The following AKNAD1 variants were observed in gnomAD, a reference collection of about 807,000 sequenced individuals.
AKNAD1 encodes AKNA domain containing 1, also known as protein AKNAD1.
AKNAD1 carries 67 observed loss-of-function variants against 90.8 expected under a neutral mutation model. That is an observed-to-expected ratio of 0.74 (90% CI 0.61 to 0.90). AKNAD1 has a LOEUF of 0.90. AKNAD1 is among the 40% of genes least tolerant of loss of function. The pLI is 0.00. For missense variants in AKNAD1, 957 were observed against 975.4 expected, an observed-to-expected ratio of 0.98 and a Z score of 0.25; for synonymous variants, 327 against 341.4, an observed-to-expected ratio of 0.96 and a Z score of 0.46.
chr1:108,817,088 G>T lies in AKNAD1; in HGVS notation c.2339C>A (p.Ser780Tyr). Residue 780 changes from serine to tyrosine, a missense_variant, in exon 15 of 16, where the codon TCC (serine) becomes TAC (tyrosine). Ser to Tyr is a moderately radical substitution (Grantham distance 144). Coordinates refer to ENST00000370001, the MANE Select transcript of AKNAD1 (RefSeq NM_152763.5). ...FYSCRISGSK[S>Y]LCDFDSTEEI... ...TTCAGTGCTATCAAAGTCACATAAG[G>T]ATTTGCTTCCAGAAATCCTGCAGGA... 2 of 1,614,142 alleles carry T rather than the reference G, an allele frequency of 1.2e-6. No individual in the cohort carries two copies. Among genetic ancestry groups the T allele is most frequent in the Non-Finnish European group, 1.7e-6 (2 of 1,180,008 alleles).
chr1:108,852,318 T>G lies in AKNAD1; in HGVS notation c.347A>C (p.His116Pro). 6.2e-7 allele frequency: 1 copy of G among 1,614,174 alleles called. No homozygotes were observed. The highest frequency in any genetic ancestry group is 8.5e-7 in the Non-Finnish European group (1 of 1,180,032). ...TCTTAAGAATGGCTCTTTGGAAAGA[T>G]GATGAAGTAAAATATCAGAAATGCT... is the stretch of plus-strand genomic sequence containing the variant. ...KSSISDILLH[H>P]LSKEPFLRGQ... Residue 116 changes from histidine to proline, a missense_variant, in exon 2 of 16, where the codon CAT becomes CCT. Physicochemically the swap from His to Pro is moderately conservative, Grantham distance 77. Coordinates refer to ENST00000370001, the MANE Select transcript of AKNAD1 (RefSeq NM_152763.5).
intron 14 of AKNAD1, among the ~76,000 whole-genome samples, chr1:108,819,247 T>C (rs1341166633): frequency 6.6e-6 from 1 of 152,192 alleles, no homozygotes; most frequent in African/African-American, 2.4e-5. Flanking sequence ...TTAACTCCTC[T>C]AATTCGTTTC....
At position 108,829,088 on chromosome 1, in the gene AKNAD1, G is replaced by A. The variant is rs1664104117; in HGVS notation, c.1838+1471C>T. 1.3e-5 allele frequency among the ~76,000 whole-genome samples: 2 copies of A among 151,816 alleles called. 1 individual carries two copies. The highest frequency in any genetic ancestry group is 4.2e-4 in the South Asian group (2 of 4,772). ...GCTTCATAAAGGACAAGTCCCATCA[G>A]AGAGAGATTTAATCTTCTAACAGAA... On this transcript the variant is annotated intron_variant, in intron 10 of 15. Transcript: ENST00000370001.
chr1:108,829,035 A>G (rs1057463094), intron 10 of AKNAD1, among the ~76,000 whole-genome samples: 6 of 151,904 alleles, frequency 3.9e-5, no homozygotes, highest in Non-Finnish European at 8.8e-5. Context: ...ATTTACAAAT[A>G]TCCTGAAAAC....
At position 108,827,315 on chromosome 1, in the gene AKNAD1, G is replaced by A. The variant is rs1664034975; in HGVS notation, c.1839-13C>T. ...CACGTTTTGCTTCCTAAAAAAAGGTGCATAAGATCCTGTAAACTTTTAGTG... is the reference window on the plus strand; with the variant it reads ...CACGTTTTGCTTCCTAAAAAAAGGTACATAAGATCCTGTAAACTTTTAGTG... On this transcript the variant is annotated splice_polypyrimidine_tract_variant and intron_variant, in intron 10 of 15. Coordinates refer to ENST00000370001, the MANE Select transcript of AKNAD1 (RefSeq NM_152763.5). 1 of 1,578,762 alleles carries A rather than the reference G, an allele frequency of 6.3e-7. No individual in the cohort carries two copies. The highest frequency in any genetic ancestry group is 1.1e-5 in the South Asian group (1 of 89,742).
intron 11 of AKNAD1, among the ~76,000 whole-genome samples, chr1:108,825,714 TCATTTAG>T (rs1663975789): frequency 1.3e-5 from 2 of 151,262 alleles, no homozygotes; most frequent in African/African-American, 2.4e-5. Flanking sequence ...CTTGTGCAAA[TCATTTAG>T]ATTTCCCAAA....
At chr1:108,835,983 T>C (rs549904524) in intron 7 of AKNAD1, among the ~76,000 whole-genome samples, 2 of 152,242 alleles carry the variant, frequency 1.3e-5, no homozygotes, top group Non-Finnish European at 2.9e-5. Flanking sequence ...GCAGGTGATT[T>C]GTTTGTTGTT....
At chr1:108,849,755 A>G (rs527470303) in intron 2 of AKNAD1, among the ~76,000 whole-genome samples, 179 bp from the exon 3 acceptor site, 1 of 152,272 alleles carries the variant, frequency 6.6e-6, no homozygotes, top group South Asian at 2.1e-4. Context: ...AACCCAAGTA[A>G]TTGTCTCATC....
intron 15 of AKNAD1, 126 bp from the exon 16 acceptor site, chr1:108,816,428 AT>A (rs1431165423): frequency 6.6e-6 from 7 of 1,060,306 alleles, no homozygotes; most frequent in Non-Finnish European, 9.2e-6. Flanking sequence ...CTCTTGGTCT[AT>A]TTCTGTTTTT....
intron 2 of AKNAD1, among the ~76,000 whole-genome samples, chr1:108,851,438 C>T (rs559830220): frequency 5.9e-5 from 9 of 152,252 alleles, no homozygotes; most frequent in South Asian, 2.1e-4. Context: ...AGCCAAATTC[C>T]GGCTTGCGGA....
intron 14 of AKNAD1, among the ~76,000 whole-genome samples, chr1:108,819,872 G>T (rs1237613901): frequency 1.3e-5 from 2 of 148,596 alleles, no homozygotes; most frequent in African/African-American, 2.5e-5. Context: ...CTCCATCCTG[G>T]GTGACAGAGG....
intron 5 of AKNAD1, 28 bp downstream of exon 5, chr1:108,848,724 A>G (rs778727351): frequency 6.3e-7 from 1 of 1,587,882 alleles, no homozygotes; most frequent in Non-Finnish European, 8.6e-7. Flanking sequence ...TCTAATCAAG[A>G]TTTTAAAAAC....
intron 5 of AKNAD1, among the ~76,000 whole-genome samples, chr1:108,845,238 C>G (rs1382663684): frequency 6.6e-6 from 1 of 152,226 alleles, no homozygotes; most frequent in Non-Finnish European, 1.5e-5. Flanking sequence ...CATCCTCTTT[C>G]TCTGTGCTGA....
In AKNAD1 at chr1:108,848,901, A is replaced by G; in HGVS notation, c.1182+11T>C. 6.3e-7 allele frequency: 1 copy of G among 1,599,814 alleles called. No homozygotes were observed. Among genetic ancestry groups the G allele is most frequent in the Non-Finnish European group, 8.5e-7 (1 of 1,175,754 alleles). ...ACTTATATTGTTTATAATAAGCTTTAAAAGTATTACTTTAGTCTTCAGTTG... is the reference window on the plus strand; with the variant it reads ...ACTTATATTGTTTATAATAAGCTTTGAAAGTATTACTTTAGTCTTCAGTTG... On this transcript the variant is annotated intron_variant, in intron 4 of 15. Coordinates refer to ENST00000370001, the MANE Select transcript of AKNAD1 (RefSeq NM_152763.5).
At chr1:108,818,975 A>C (rs905488150) in intron 14 of AKNAD1, among the ~76,000 whole-genome samples, 1 of 151,496 alleles carries the variant, frequency 6.6e-6, no homozygotes, top group Non-Finnish European at 1.5e-5. Flanking sequence ...AAAAAAAAAA[A>C]AAAAAACCAA....
intron 6 of AKNAD1, among the ~76,000 whole-genome samples, chr1:108,839,228 G>GT (rs1664464560): frequency 6.6e-6 from 1 of 152,162 alleles, no homozygotes; most frequent in Non-Finnish European, 1.5e-5. Flanking sequence ...GTTCACGCCT[G>GT]TAATCCCAGC....
chr1:108,844,457 GA>G (rs1440169700), intron 5 of AKNAD1, among the ~76,000 whole-genome samples: 1 of 151,828 alleles, frequency 6.6e-6, no homozygotes, highest in Non-Finnish European at 1.5e-5. Flanking sequence ...TAGATAGATA[GA>G]GAGAGAGAGA....
At chr1:108,848,503 T>A (rs1337263622) in intron 5 of AKNAD1, among the ~76,000 whole-genome samples, 1 of 152,166 alleles carries the variant, frequency 6.6e-6, no homozygotes, top group Non-Finnish European at 1.5e-5. Flanking sequence ...GGTGTCAGAT[T>A]AATTATGAGT....
intron 6 of AKNAD1, among the ~76,000 whole-genome samples, chr1:108,840,159 A>G (rs1468662163): frequency 6.6e-6 from 1 of 152,260 alleles, no homozygotes; most frequent in Admixed American, 6.5e-5. Flanking sequence ...AATATTCTGG[A>G]GTAAAAAGCT....
Sources: allele counts gnomAD v4.1 joint callset (sites outside exome capture counted in the v4.1 genomes callset), GRCh38; gene constraint gnomAD v4.1.1; transcripts MANE v1.5; gene names NCBI Gene and HGNC (gene_info 2026-07-23, HGNC 2026-07-21).